ZNF12: variants seen among roughly 807,000 people sequenced by gnomAD.
ZNF12 encodes the protein zinc finger protein 12.
A neutral mutation model predicts 66.6 loss-of-function variants in ZNF12; 34 were observed. That is an observed-to-expected ratio of 0.51 (90% CI 0.39 to 0.68). The LOEUF (loss-of-function observed/expected upper bound fraction) is 0.68, where lower values mean the gene tolerates loss of function less well. Ranked by LOEUF, ZNF12 falls within the 30% of genes least tolerant of loss-of-function variation. The pLI, the probability that ZNF12 is intolerant of heterozygous loss-of-function variation, is 0.00. For missense variants in ZNF12, 697 were observed against 826.9 expected (o/e 0.84, Z 1.93); for synonymous variants, 320 against 278.9 (o/e 1.15, Z -1.47).
rs1780061671 is a variant in ZNF12 at position 6,691,183 on chromosome 7, A to G, written c.1759T>C (p.Cys587Arg). ...YECSECGKTF[C>R]QNSALNRHQR... is the part of the protein sequence containing the mutation. ...TGTCGATTAAGGGCTGAATTCTGGC[A>G]GAAGGTTTTCCCACATTCACTACAT... The change falls in exon 5 of 5, where the codon TGC (cysteine) becomes CGC (arginine). Residue 587 changes from cysteine (C) to arginine (R), a missense_variant. Cys to Arg is a radical substitution (Grantham distance 180). This residue lies in a region of ZNF12 where 401 missense variants were observed against 519.0 expected (regional missense o/e 0.77). Coordinates refer to ENST00000405858, the MANE Select transcript of ZNF12 (RefSeq NM_016265.4). The G allele has an allele frequency of 6.2e-7, 1 of 1,613,996 alleles. No homozygotes were observed.
intron 2 of ZNF12, among the ~76,000 whole-genome samples, chr7:6,699,189 T>G (rs532770088): frequency 1.3e-5 from 2 of 152,268 alleles, no homozygotes; most frequent in East Asian, 3.9e-4. Flanking sequence ...GTAGCAGGAA[T>G]GGTGTAGAAG....
rs748740119 is a variant in ZNF12 at position 6,705,181 on chromosome 7, T to C, written c.-8A>G. 4.3e-6 allele frequency: 7 copies of C among 1,613,632 alleles called. No individual in the cohort carries two copies. The highest frequency in any genetic ancestry group is 1.7e-6 in the Non-Finnish European group (2 of 1,179,746). Reference sequence around the variant, plus strand: ...CACCAGGGATTTATTCATTTTCTGCTGCTCTTGGAAAAATCTGGAGGACTG... The same window carrying C: ...CACCAGGGATTTATTCATTTTCTGCCGCTCTTGGAAAAATCTGGAGGACTG... On this transcript the variant is annotated 5_prime_UTR_variant, in exon 2 of 5. Coordinates refer to ENST00000405858, the MANE Select transcript of ZNF12 (RefSeq NM_016265.4). The surrounding 1 kb of genome is among the most constrained non-coding windows in gnomAD (Gnocchi z 4.0).
At position 6,705,189 on chromosome 7, in the gene ZNF12, G is replaced by A. The variant is rs760115852; in HGVS notation, c.-16C>T. On this transcript the variant is annotated 5_prime_UTR_variant, in exon 2 of 5. Transcript: ENST00000405858. This position sits in a 1 kb window ranked among gnomAD's most constrained non-coding sequence, Gnocchi z 4.0. ...ATTTATTCATTTTCTGCTGCTCTTG[G>A]AAAAATCTGGAGGACTGTGAAAGCG... 66 of 1,613,454 alleles carry A rather than the reference G, an allele frequency of 4.1e-5. 1 individual carries two copies. The South Asian group carries it at 7.0e-4, about 17-fold the overall frequency.
Position 6,705,404 on chromosome 7 carries a change from C to A in ZNF12, c.-50-181G>T, listed in dbSNP as rs994934249. Among the ~76,000 whole-genome samples, 2 of 152,230 alleles carry A rather than the reference C, an allele frequency of 1.3e-5. No individual in the cohort carries two copies. The highest frequency in any genetic ancestry group is 2.4e-5 in the African/African-American group (1 of 41,452). On this transcript the variant is annotated intron_variant, in intron 1 of 4. Coordinates refer to ENST00000405858, the MANE Select transcript of ZNF12 (RefSeq NM_016265.4). This position sits in a 1 kb window ranked among gnomAD's most constrained non-coding sequence, Gnocchi z 4.0. ...GGGGGACCGATCTGCACATTTGAAACTCACACATGGCTACCTTGTGACTGA... is the reference window on the plus strand; with the variant it reads ...GGGGGACCGATCTGCACATTTGAAAATCACACATGGCTACCTTGTGACTGA...
intron 2 of ZNF12, among the ~76,000 whole-genome samples, chr7:6,703,969 G>C (rs1336859137): frequency 3.3e-5 from 5 of 152,222 alleles, no homozygotes; most frequent in Non-Finnish European, 7.3e-5. Flanking sequence ...GATAAAATGG[G>C]CATCTATGCC....
At chr7:6,703,636 C>T (rs1780294923) in intron 2 of ZNF12, among the ~76,000 whole-genome samples, 1 of 152,080 alleles carries the variant, frequency 6.6e-6, no homozygotes, top group South Asian at 2.1e-4. Context: ...TGGACACACT[C>T]CAAAGAAATG....
At position 6,692,788 on chromosome 7, in the gene ZNF12, C is replaced by T; in HGVS notation, c.239-85G>A. ...ATGAGATTCATGATTTGTACACACG[C>T]ATCTCATTGTGAGTAGATGCTAGCT... On this transcript the variant is annotated intron_variant, in intron 4 of 4. Transcript: ENST00000405858. This position sits in a 1 kb window ranked among gnomAD's most constrained non-coding sequence, Gnocchi z 5.1. 7.6e-7 allele frequency: 1 copy of T among 1,314,464 alleles called. No individual in the cohort carries two copies. The highest frequency in any genetic ancestry group is 1.0e-6 in the Non-Finnish European group (1 of 969,278). The allele number at this position is 1,314,464 out of a possible 1,614,324, so 81.4% of individuals were successfully genotyped here. A position where few individuals can be genotyped will look rare whatever the true frequency, so the allele number is the denominator to read the frequency against.
Position 6,705,256 on chromosome 7 carries a change from G to T in ZNF12, c.-50-33C>A. 6.4e-7 allele frequency: 1 copy of T among 1,571,798 alleles called. No homozygotes were observed. The highest frequency in any genetic ancestry group is 1.1e-5 in the South Asian group (1 of 89,132). ...AGGAAAACCCAAGCCATGGCGTTAT[G>T]AGCGGTCTGGCCTGCCAAGGCGGTC... On this transcript the variant is annotated intron_variant, in intron 1 of 4. Transcript: ENST00000405858. The surrounding 1 kb of genome is among the most constrained non-coding windows in gnomAD (Gnocchi z 4.0).
At chr7:6,695,906 T>A (rs1780146984) in intron 4 of ZNF12, among the ~76,000 whole-genome samples, 1 of 152,156 alleles carries the variant, frequency 6.6e-6, no homozygotes. Context: ...GTAGGGACAA[T>A]AGTATCATGA....
chr7:6,700,796 C>T (rs546535192), intron 2 of ZNF12: 1 of 152,190 alleles, frequency 6.6e-6, no homozygotes, highest in African/African-American at 2.4e-5. Flanking sequence ...AAGCAAAAAT[C>T]TCACCAGCCC....
At position 6,692,432 on chromosome 7, in the gene ZNF12, T is replaced by C. The variant is rs574103242; in HGVS notation, c.510A>G (p.Gly170=). 3.1e-6 allele frequency: 5 copies of C among 1,613,260 alleles called. No individual in the cohort carries two copies. In the East Asian group the frequency reaches 6.7e-5, roughly 22 times the overall value. ...YARMKADECS[G]CGKSLLHIKL... ...TAATATGGAGGAGTGATTTCCCACA[T>C]CCACTACATTCATCAGCTTTCATTC... The change falls in exon 5 of 5, where the codon GGA becomes GGG. Residue 170 remains glycine, a synonymous_variant. Transcript: ENST00000405858. This position sits in a 1 kb window ranked among gnomAD's most constrained non-coding sequence, Gnocchi z 5.1.
In ZNF12 at chr7:6,692,417, G is replaced by C; in HGVS notation, c.525C>G (p.Leu175=). 1 of 1,613,326 alleles carries C rather than the reference G, an allele frequency of 6.2e-7. No homozygotes were observed. Among genetic ancestry groups the C allele is most frequent in the African/African-American group, 1.3e-5 (1 of 75,030 alleles). Residue 175 remains leucine, a synonymous_variant, in exon 5 of 5, where the codon CTC becomes CTG. Transcript: ENST00000405858. The surrounding 1 kb of genome is among the most constrained non-coding windows in gnomAD (Gnocchi z 5.1). ...ADECSGCGKS[L]LHIKLEKTHP... is the part of the protein sequence containing the mutation. Reference sequence around the variant, plus strand: ...GAGTTTTCTCAAGCTTAATATGGAGGAGTGATTTCCCACATCCACTACATT... The same window carrying C: ...GAGTTTTCTCAAGCTTAATATGGAGCAGTGATTTCCCACATCCACTACATT...
Position 6,692,715 on chromosome 7 carries a change from C to T in ZNF12, c.239-12G>A, listed in dbSNP as rs528969601. On this transcript the variant is annotated splice_polypyrimidine_tract_variant and intron_variant, in intron 4 of 4. Coordinates refer to ENST00000405858, the MANE Select transcript of ZNF12 (RefSeq NM_016265.4). This position sits in a 1 kb window ranked among gnomAD's most constrained non-coding sequence, Gnocchi z 5.1. ...TTGCCAGACTTCATCTAAAGAGAGA[C>T]AAAATTAATAAACTTTTGTACATCT... The T allele has an allele frequency of 3.2e-6, 5 of 1,543,898 alleles. No homozygotes were observed. The African/African-American group carries it at 6.9e-5, about 21-fold the overall frequency.
At chr7:6,699,951 T>A (rs938566570) in intron 2 of ZNF12, among the ~76,000 whole-genome samples, 36 of 152,234 alleles carry the variant, frequency 2.4e-4, no homozygotes, top group East Asian at 5.8e-4. Context: ...GATTTTTTTT[T>A]AAATCTCTAT....
chr7:6,704,688 T>TGA (rs1780321366), intron 2 of ZNF12, among the ~76,000 whole-genome samples: 1 of 115,996 alleles, frequency 8.6e-6, no homozygotes, highest in Non-Finnish European at 1.7e-5. Context: ...TGCACTGAGC[T>TGA]GAGATAGCGC....
Position 6,692,050 on chromosome 7 carries a change from C to G in ZNF12, c.892G>C (p.Glu298Gln). The change falls in exon 5 of 5, where the codon GAA (glutamate) becomes CAA (glutamine). Residue 298 changes from glutamate to glutamine, a missense_variant. Coordinates refer to ENST00000405858, the MANE Select transcript of ZNF12 (RefSeq NM_016265.4). This position sits in a 1 kb window ranked among gnomAD's most constrained non-coding sequence, Gnocchi z 5.1. ...QRTHTGEKPY[E>Q]CNQCGKSFCQ... The stretch of plus-strand genomic sequence containing the variant: ...AAGGATTTCCCACACTGATTACATT[C>G]GTAAGGTTTCTCTCCTGTGTGAGTC... 6.2e-7 allele frequency: 1 copy of G among 1,613,696 alleles called. No individual in the cohort carries two copies. Among genetic ancestry groups the G allele is most frequent in the Non-Finnish European group, 8.5e-7 (1 of 1,179,660 alleles).
chr7:6,696,079 G>A lies in ZNF12; in HGVS notation c.238+1260C>T, dbSNP rs1028780531. On this transcript the variant is annotated intron_variant, in intron 4 of 4. Transcript: ENST00000405858. This position sits in a 1 kb window ranked among gnomAD's most constrained non-coding sequence, Gnocchi z 4.0. ...GGAAGTAAAATGTAACCAACTATAG[G>A]CTTATCTTGTGAGGCTAGCGATGAT... Among the ~76,000 whole-genome samples the A allele has an allele frequency of 1.3e-5, 2 of 152,200 alleles. No homozygotes were observed. The highest frequency in any genetic ancestry group is 4.8e-5 in the African/African-American group (2 of 41,454).
chr7:6,692,525 G>A lies in ZNF12; in HGVS notation c.417C>T (p.Leu139=). The A allele has an allele frequency of 1.9e-6, 3 of 1,613,640 alleles. No individual in the cohort carries two copies. Among genetic ancestry groups the A allele is most frequent in the Non-Finnish European group, 1.7e-6 (2 of 1,179,800 alleles). ...TTAAACACTTTTCACATGAGTCACA[G>A]AGGCTATTTTTATAGGCTATTTTTC... The part of the protein sequence containing the change: ...PSRKIAYKNS[L]CDSCEKCLTS... The change falls in exon 5 of 5, where the codon CTC becomes CTT. Residue 139 remains leucine, a synonymous_variant. Transcript: ENST00000405858. The surrounding 1 kb of genome is among the most constrained non-coding windows in gnomAD (Gnocchi z 5.1).
chr7:6,700,302 T>TACACACACACACAC (rs780908025), intron 2 of ZNF12, among the ~76,000 whole-genome samples: 3 of 83,930 alleles, frequency 3.6e-5, no homozygotes, highest in African/African-American at 1.6e-4. Context: ...AAAAAAAAAA[T>TACACACACACACAC]ATACACACAC....
Sources: gnomAD v4.1 joint callset for allele counts (sites outside exome capture counted in the v4.1 genomes callset) on GRCh38, gnomAD v4.1.1 for gene constraint, gnomAD v4.1.1 regional missense constraint, Gnocchi (gnomAD v3.1) non-coding constraint, MANE v1.5 for transcripts, NCBI Gene and HGNC (gene_info 2026-07-23, HGNC 2026-07-21) for gene names.